The following LRBA variants were observed in gnomAD, a reference collection of about 807,000 sequenced individuals.
The protein encoded by LRBA is LPS responsive beige-like anchor protein.
LRBA carries 176 observed loss-of-function variants against 330.0 expected under a neutral mutation model. The ratio of observed to expected loss-of-function variants is 0.53; its 90% CI spans 0.47 to 0.60. LRBA has a LOEUF of 0.60. Among genes scored for constraint, LRBA ranks in the 20% least tolerant of loss-of-function variants. The pLI, the probability that LRBA is intolerant of heterozygous loss-of-function variation, is 0.00. For missense variants in LRBA, 3,259 were observed against 3,444.8 expected, an observed-to-expected ratio of 0.95 and a Z score of 1.35; for synonymous variants, 1,230 against 1,193.0, an observed-to-expected ratio of 1.03 and a Z score of -0.64.
intron 42 of LRBA, among the ~76,000 whole-genome samples, chr4:150,476,895 G>A (rs572191097): frequency 2.0e-5 from 3 of 152,266 alleles, no homozygotes; most frequent in African/African-American, 7.2e-5. Context: ...GTAGAAAACT[G>A]ATAACAGGAC....
intron 37 of LRBA, among the ~76,000 whole-genome samples, chr4:150,632,221 ACT>A (rs1777451882): frequency 8.6e-6 from 1 of 115,716 alleles, no homozygotes; most frequent in Admixed American, 9.9e-5. Flanking sequence ...ACAGAGTGAG[ACT>A]CTGTCTCAAG....
chr4:150,416,483 T>C, intron 46 of LRBA, among the ~76,000 whole-genome samples: 1 of 152,344 alleles, frequency 6.6e-6, no homozygotes, highest in East Asian at 1.9e-4. Flanking sequence ...ATCACCTCCA[T>C]GATCCATGTG....
intron 42 of LRBA, among the ~76,000 whole-genome samples, chr4:150,479,291 A>C (rs1757046905): frequency 6.6e-6 from 1 of 152,118 alleles, no homozygotes; most frequent in Non-Finnish European, 1.5e-5. Flanking sequence ...AAAAAAAAGG[A>C]CATCTAGCTT....
intron 37 of LRBA, among the ~76,000 whole-genome samples, chr4:150,623,976 A>C (rs577159801): frequency 6.6e-6 from 1 of 152,332 alleles, no homozygotes; most frequent in South Asian, 2.1e-4. Context: ...TTAGTATGTT[A>C]TAGATAACTG....
chr4:150,535,912 G>A (rs546528788), intron 40 of LRBA, among the ~76,000 whole-genome samples: 1 of 152,012 alleles, frequency 6.6e-6, no homozygotes, highest in Non-Finnish European at 1.5e-5. Flanking sequence ...CAGATATTAC[G>A]TGTCTCCTCA....
intron 37 of LRBA, among the ~76,000 whole-genome samples, chr4:150,624,989 T>C (rs1333915868): frequency 6.6e-6 from 1 of 152,204 alleles, no homozygotes; most frequent in Non-Finnish European, 1.5e-5. Context: ...TTTCTATCTA[T>C]TTATAAGAGC....
chr4:150,306,146 C>T (rs541155617), intron 52 of LRBA, among the ~76,000 whole-genome samples: 79 of 152,132 alleles, frequency 5.2e-4, no homozygotes, highest in Non-Finnish European at 9.3e-4. Flanking sequence ...AAAATAATTC[C>T]GACTGCCAGG....
intron 55 of LRBA, among the ~76,000 whole-genome samples, chr4:150,280,318 G>A (rs532346353): frequency 1.3e-5 from 2 of 152,296 alleles, no homozygotes; most frequent in South Asian, 4.2e-4. Flanking sequence ...GAGTGCTCTG[G>A]ACAATGCCGT....
intron 50 of LRBA, among the ~76,000 whole-genome samples, chr4:150,320,673 G>A (rs1350102707): frequency 6.6e-6 from 1 of 152,088 alleles, no homozygotes; most frequent in Non-Finnish European, 1.5e-5. Flanking sequence ...CAGGCATGGT[G>A]CTGCGTGCCT....
chr4:150,753,710 G>A (rs1733871129), intron 35 of LRBA, among the ~76,000 whole-genome samples: 1 of 151,890 alleles, frequency 6.6e-6, no homozygotes, highest in South Asian at 2.1e-4. Context: ...ATTTTTAGGG[G>A]GTGAAAAAGC....
At chr4:150,537,451 G>A (rs896635502) in intron 40 of LRBA, among the ~76,000 whole-genome samples, 1 of 152,054 alleles carries the variant, frequency 6.6e-6, no homozygotes, top group Non-Finnish European at 1.5e-5. Flanking sequence ...AAAAGCAATT[G>A]CAACAGCAAT....
At chr4:151,002,443 T>C (rs1743480176) in intron 2 of LRBA, among the ~76,000 whole-genome samples, 1 of 151,624 alleles carries the variant, frequency 6.6e-6, no homozygotes, top group Admixed American at 6.6e-5. Flanking sequence ...TGGGTGCCTG[T>C]AATCCCAGCT....
intron 22 of LRBA, among the ~76,000 whole-genome samples, chr4:150,855,973 C>A (rs1359149008): frequency 6.6e-6 from 1 of 152,130 alleles, no homozygotes; most frequent in Non-Finnish European, 1.5e-5. Context: ...GTCTTATAGG[C>A]AAGTCATTAG....
intron 20 of LRBA, among the ~76,000 whole-genome samples, chr4:150,870,091 T>C (rs116721233): frequency 0.026 from 3,923 of 152,288 alleles, 66 homozygotes; most frequent in South Asian, 0.029. Context: ...TTAAGAATTC[T>C]AAATATCAAA....
chr4:150,828,535 C>A lies in LRBA; in HGVS notation c.4816G>T (p.Gly1606Cys), dbSNP rs761296482. 2 of 1,614,160 alleles carry A rather than the reference C, an allele frequency of 1.2e-6. No homozygotes were observed. The highest frequency in any genetic ancestry group is 1.7e-6 in the Non-Finnish European group (2 of 1,180,004). ...STSSARRRDS[G>C]IGEETATGLG... ...CCAGTGGCTGTTTCTTCCCCAATGCCTGAGTCCCTCCTTCGAGCAGATGAT... is the reference window on the plus strand; with the variant it reads ...CCAGTGGCTGTTTCTTCCCCAATGCATGAGTCCCTCCTTCGAGCAGATGAT... The change falls in exon 30 of 57, where the codon GGC (glycine) becomes TGC (cysteine). Residue 1606 changes from glycine to cysteine, a missense_variant. Gly to Cys is a radical substitution (Grantham distance 159). Coordinates refer to ENST00000651943, the MANE Select transcript of LRBA (RefSeq NM_001364905.1).
At chr4:150,923,834 T>C (rs574021401) in intron 4 of LRBA, among the ~76,000 whole-genome samples, 1 of 152,334 alleles carries the variant, frequency 6.6e-6, no homozygotes, top group African/African-American at 2.4e-5. Context: ...GCCTTCATCT[T>C]ATTTTTATAG....
At chr4:150,594,385 A>G (rs961566253) in intron 38 of LRBA, among the ~76,000 whole-genome samples, 6 of 147,010 alleles carry the variant, frequency 4.1e-5, no homozygotes, top group African/African-American at 1.1e-4. Context: ...TGTACTGGGG[A>G]AAAGTATATT....
intron 41 of LRBA, among the ~76,000 whole-genome samples, chr4:150,489,865 A>G (rs1005332667): frequency 1.3e-5 from 2 of 149,516 alleles, no homozygotes; most frequent in South Asian, 2.1e-4. Context: ...GAAGAAAAAA[A>G]TCATCATAGG....
At chr4:150,609,994 T>C (rs185892308) in intron 37 of LRBA, among the ~76,000 whole-genome samples, 1 of 152,296 alleles carries the variant, frequency 6.6e-6, no homozygotes, top group African/African-American at 2.4e-5. Flanking sequence ...CTCTGTACTT[T>C]AATAAATTCA....
Sources: gnomAD v4.1 joint callset for allele counts (sites outside exome capture counted in the v4.1 genomes callset) on GRCh38, gnomAD v4.1.1 for gene constraint, MANE v1.5 for transcripts, NCBI Gene and HGNC (gene_info 2026-07-23, HGNC 2026-07-21) for gene names.